TTC29: variants seen among roughly 807,000 people sequenced by gnomAD.
The protein encoded by TTC29 is tetratricopeptide repeat domain 29.
In TTC29, 49 loss-of-function variants were observed where a neutral mutation model predicts 58.1. The observed-to-expected ratio is 0.84, with a 90% CI of 0.67 to 1.07. The LOEUF is 1.07. TTC29 is among the 50% of genes least tolerant of loss of function. The pLI is 0.00. For missense variants in TTC29, 582 were observed against 555.6 expected (o/e 1.05, Z -0.48); for synonymous variants, 209 against 196.8 (o/e 1.06, Z -0.52).
intron 11 of TTC29, among the ~76,000 whole-genome samples, chr4:146,708,855 T>G (rs1479550231): frequency 1.3e-5 from 2 of 152,116 alleles, no homozygotes; most frequent in African/African-American, 4.8e-5. Flanking sequence ...AATTTGTCTC[T>G]TCTCTCAAGA....
At chr4:146,881,781 A>G (rs1731642058) in intron 6 of TTC29, among the ~76,000 whole-genome samples, 1 of 152,104 alleles carries the variant, frequency 6.6e-6, no homozygotes, top group Non-Finnish European at 1.5e-5. Flanking sequence ...TTTGTTGTGC[A>G]CTATAACCCA....
At chr4:146,750,258 C>T (rs572857311) in intron 11 of TTC29, among the ~76,000 whole-genome samples, 105 of 152,260 alleles carry the variant, frequency 6.9e-4, no homozygotes, top group African/African-American at 2.2e-3. Flanking sequence ...CCGCCCGCCT[C>T]GGCCTCCCAA....
intron 6 of TTC29, among the ~76,000 whole-genome samples, chr4:146,900,114 A>G (rs1412057314): frequency 6.6e-6 from 1 of 152,176 alleles, no homozygotes; most frequent in Non-Finnish European, 1.5e-5. Flanking sequence ...TCTACCCCAT[A>G]TTACAGAAGC....
chr4:146,785,800 T>C (rs1428111040), intron 11 of TTC29, among the ~76,000 whole-genome samples: 1 of 152,188 alleles, frequency 6.6e-6, no homozygotes, highest in African/African-American at 2.4e-5. Flanking sequence ...TCTGTTATTA[T>C]TTCTTAAAAT....
rs575398835 is a variant in TTC29 at position 146,897,537 on chromosome 4, C to T, written c.586+6007G>A. Among the ~76,000 whole-genome samples, 28 of 152,302 alleles carry T rather than the reference C, an allele frequency of 1.8e-4. No individual in the cohort carries two copies. In the South Asian group the frequency reaches 5.6e-3, roughly 30 times the overall value. ...GGTCCCTCTCCCGCTCCCTGCCACC[C>T]CCTGCTGATCATGCAGGGGAGGGGC... On this transcript the variant is annotated intron_variant, in intron 6 of 12. Transcript: ENST00000325106.
chr4:146,839,442 G>A (rs77518162), intron 8 of TTC29, among the ~76,000 whole-genome samples: 9,883 of 151,702 alleles, frequency 0.065, 423 homozygotes, highest in Admixed American at 0.13. Context: ...CAAATGTCAC[G>A]GGTAACCCCC....
chr4:146,710,236 A>G (rs114962721), intron 11 of TTC29, among the ~76,000 whole-genome samples: 215 of 152,250 alleles, frequency 1.4e-3, no homozygotes, highest in African/African-American at 5.1e-3. Context: ...ATTATATACT[A>G]TAGCGTATTA....
At chr4:146,807,551 A>C (rs541815816) in intron 10 of TTC29, among the ~76,000 whole-genome samples, 115 of 152,328 alleles carry the variant, frequency 7.5e-4, no homozygotes, top group African/African-American at 2.7e-3. Context: ...AAAATGATAA[A>C]GGGGATATCA....
chr4:146,937,937 A>T (rs1735993366), intron 3 of TTC29, among the ~76,000 whole-genome samples: 1 of 152,124 alleles, frequency 6.6e-6, no homozygotes. Context: ...CTTTCTACTC[A>T]AGAGTCTTCT....
chr4:146,878,206 G>A (rs886670546), intron 6 of TTC29, among the ~76,000 whole-genome samples: 3 of 152,118 alleles, frequency 2.0e-5, no homozygotes, highest in Admixed American at 6.6e-5. Flanking sequence ...GTAGCTTTTC[G>A]GTTGGATTTG....
At chr4:146,848,779 C>A (rs577730792) in intron 8 of TTC29, among the ~76,000 whole-genome samples, 1 of 152,300 alleles carries the variant, frequency 6.6e-6, no homozygotes, top group South Asian at 2.1e-4. Flanking sequence ...TGGTTCCACC[C>A]ATTTGGAAGG....
chr4:146,736,609 C>T (rs1241250880), intron 11 of TTC29, among the ~76,000 whole-genome samples: 2 of 152,134 alleles, frequency 1.3e-5, no homozygotes, highest in Non-Finnish European at 2.9e-5. Context: ...ATGTGCCTCC[C>T]AGCAACGACT....
intron 11 of TTC29, among the ~76,000 whole-genome samples, chr4:146,771,132 G>A (rs1375485672): frequency 2.0e-5 from 3 of 151,960 alleles, no homozygotes; most frequent in Non-Finnish European, 4.4e-5. Context: ...GACCTCACAG[G>A]CACATTATAT....
chr4:146,730,816 T>C (rs1483414637), intron 11 of TTC29, among the ~76,000 whole-genome samples: 1 of 152,178 alleles, frequency 6.6e-6, no homozygotes, highest in Non-Finnish European at 1.5e-5. Flanking sequence ...ACTGGAAACC[T>C]GATCTGAGTG....
chr4:146,778,976 C>CAAAA (rs369374851), intron 11 of TTC29, among the ~76,000 whole-genome samples: 389 of 28,580 alleles, frequency 0.014, 4 homozygotes, highest in South Asian at 0.024. Flanking sequence ...CCTAAATAAG[C>CAAAA]AAAAAAAAAA....
At chr4:146,941,190 A>C in intron 2 of TTC29, among the ~76,000 whole-genome samples, 1 of 152,134 alleles carries the variant, frequency 6.6e-6, no homozygotes, top group East Asian at 1.9e-4. Flanking sequence ...AGGCATCCAA[A>C]AGGCCAGGGG....
At chr4:146,913,048 C>A (rs987012905) in intron 4 of TTC29, among the ~76,000 whole-genome samples, 7 of 151,964 alleles carry the variant, frequency 4.6e-5, no homozygotes, top group African/African-American at 1.5e-4. Context: ...GTTTCAGGAG[C>A]CTGAGGGGAC....
intron 4 of TTC29, among the ~76,000 whole-genome samples, chr4:146,926,450 T>C (rs1042224798): frequency 5.9e-5 from 9 of 152,110 alleles, no homozygotes; most frequent in African/African-American, 1.9e-4. Context: ...CTGACAGCTG[T>C]GTAATACAAA....
chr4:146,856,681 ATTAT>A lies in TTC29; in HGVS notation c.885+10813_885+10816del, dbSNP rs869286753. 8.7e-5 allele frequency among the ~76,000 whole-genome samples: 13 copies of A among 148,948 alleles called. No individual in the cohort carries two copies. The South Asian group carries it at 1.5e-3, about 17-fold the overall frequency. On this transcript the variant is annotated intron_variant, in intron 8 of 12. Coordinates refer to ENST00000325106, the MANE Select transcript of TTC29 (RefSeq NM_031956.4). ...GCATATTTTCCTAAGCTGTAACATT[ATTAT>A]TTATTAATTAATTAAAATATTATTA...
Sources: allele counts gnomAD v4.1 joint callset (sites outside exome capture counted in the v4.1 genomes callset), GRCh38; gene constraint gnomAD v4.1.1; transcripts MANE v1.5; gene names NCBI Gene and HGNC (gene_info 2026-07-23, HGNC 2026-07-21).